Variants in VAT1L observed in about 807,000 individuals in gnomAD.
The protein encoded by VAT1L is vesicle amine transport 1 like, also known as putative NADPH-dependent quinone oxidoreductase VAT1L.
In VAT1L, 34 loss-of-function variants were observed where a neutral mutation model predicts 44.1. The ratio of observed to expected loss-of-function variants is 0.77; its 90% CI spans 0.59 to 1.03. The LOEUF (loss-of-function observed/expected upper bound fraction) is 1.03, where lower values mean the gene tolerates loss of function less well. Among genes scored for constraint, VAT1L ranks in the 50% least tolerant of loss-of-function variants. The pLI, the probability that VAT1L is intolerant of heterozygous loss-of-function variation, is 0.00. For missense variants in VAT1L, 615 were observed against 538.8 expected (o/e 1.14, Z -1.40); for synonymous variants, 253 against 202.2 (o/e 1.25, Z -2.13).
chr16:77,971,508 C>CA (rs1389921686), intron 7 of VAT1L, among the ~76,000 whole-genome samples: 2 of 152,090 alleles, frequency 1.3e-5, no homozygotes, highest in African/African-American at 4.8e-5. Flanking sequence ...CTCTATTGGT[C>CA]AAAATCTAAT....
intron 1 of VAT1L, among the ~76,000 whole-genome samples, chr16:77,799,396 G>A (rs954909227): frequency 1.3e-5 from 2 of 151,200 alleles, no homozygotes; most frequent in African/African-American, 4.9e-5. Context: ...TTCTCTCTCT[G>A]GCTTAAGAAA....
At chr16:77,946,179 T>G (rs2142517960) in intron 7 of VAT1L, among the ~76,000 whole-genome samples, 1 of 151,980 alleles carries the variant, frequency 6.6e-6, no homozygotes, top group South Asian at 2.1e-4. Flanking sequence ...TGTACACTCA[T>G]AAGCATTTTA....
At chr16:77,962,859 T>C (rs920514847) in intron 7 of VAT1L, among the ~76,000 whole-genome samples, 1 of 152,000 alleles carries the variant, frequency 6.6e-6, no homozygotes, top group African/African-American at 2.4e-5. Flanking sequence ...GACAGGAGGA[T>C]TGCTTAAGCC....
chr16:77,867,592 T>A (rs533845210), intron 4 of VAT1L, among the ~76,000 whole-genome samples: 1 of 152,228 alleles, frequency 6.6e-6, no homozygotes, highest in Non-Finnish European at 1.5e-5. Flanking sequence ...CTTTGGTGGC[T>A]CATGCCTGTA....
intron 7 of VAT1L, among the ~76,000 whole-genome samples, chr16:77,936,482 A>T (rs1334029287): frequency 6.6e-6 from 1 of 152,110 alleles, no homozygotes; most frequent in African/African-American, 2.4e-5. Flanking sequence ...GTGCTGGGGG[A>T]CTTCTCCTTA....
At chr16:77,960,101 A>G (rs1347165603) in intron 7 of VAT1L, among the ~76,000 whole-genome samples, 1 of 151,768 alleles carries the variant, frequency 6.6e-6, no homozygotes, top group Non-Finnish European at 1.5e-5. Context: ...CCCATCCACA[A>G]CCTCATAACA....
At chr16:77,891,249 G>A (rs423654) in intron 7 of VAT1L, among the ~76,000 whole-genome samples, 28,604 of 151,962 alleles carry the variant, frequency 0.19, 2,927 homozygotes, top group East Asian at 0.35. Context: ...AGCTACTCGG[G>A]AGGCTGAGGC....
intron 7 of VAT1L, among the ~76,000 whole-genome samples, chr16:77,921,584 C>T (rs1002850127): frequency 3.3e-5 from 5 of 152,144 alleles, no homozygotes; most frequent in Admixed American, 1.3e-4. Flanking sequence ...CAGGACCTTT[C>T]GTATCTATTT....
At chr16:77,802,507 C>G (rs1263571779) in intron 1 of VAT1L, among the ~76,000 whole-genome samples, 1 of 151,882 alleles carries the variant, frequency 6.6e-6, no homozygotes, top group African/African-American at 2.4e-5. Flanking sequence ...CCCAGCTACT[C>G]GGGAGGCTGA....
intron 7 of VAT1L, among the ~76,000 whole-genome samples, chr16:77,897,259 G>A (rs2017334016): frequency 1.3e-5 from 2 of 152,144 alleles, no homozygotes; most frequent in African/African-American, 2.4e-5. Context: ...CCACACTTCG[G>A]TCTGAGCATC....
chr16:77,948,378 C>A (rs1199221040), intron 7 of VAT1L, among the ~76,000 whole-genome samples: 1 of 152,166 alleles, frequency 6.6e-6, no homozygotes, highest in African/African-American at 2.4e-5. Context: ...ACACCTAACT[C>A]CTAGGAAATC....
intron 3 of VAT1L, among the ~76,000 whole-genome samples, chr16:77,839,299 G>A (rs1157010436): frequency 6.6e-6 from 1 of 151,906 alleles, no homozygotes; most frequent in Admixed American, 6.6e-5. Flanking sequence ...ACTTTGGGAG[G>A]CCGAGACGGG....
chr16:77,864,634 A>C (rs995242670), intron 4 of VAT1L, among the ~76,000 whole-genome samples: 4 of 152,148 alleles, frequency 2.6e-5, no homozygotes, highest in African/African-American at 9.6e-5. Flanking sequence ...TCTTCAAATC[A>C]CAGATTAAGA....
chr16:77,901,153 CTTTTTTTTTTTTTTT>C (rs538577571), intron 7 of VAT1L, among the ~76,000 whole-genome samples: 3 of 89,994 alleles, frequency 3.3e-5, no homozygotes, highest in Non-Finnish European at 6.1e-5. Context: ...AGTAGTTTAC[CTTTTTTTTTTTTTTT>C]TTTTTTTTTT....
intron 7 of VAT1L, among the ~76,000 whole-genome samples, chr16:77,966,228 T>C (rs766625555): frequency 2.6e-5 from 4 of 152,226 alleles, no homozygotes; most frequent in Non-Finnish European, 4.4e-5. Context: ...GATGGCACTG[T>C]TCTATTGATT....
rs781264298 is a variant in VAT1L at position 77,879,249 on chromosome 16, T to A, written c.882+25T>A. 14 of 1,610,504 alleles carry A rather than the reference T, an allele frequency of 8.7e-6. No homozygotes were observed. The highest frequency in any genetic ancestry group is 1.2e-5 in the Non-Finnish European group (14 of 1,176,866). ...AGTAAGTATCCAGGCACATCTGATG[T>A]ACTGTGGTGGCATGTTGATTCACAT... On this transcript the variant is annotated intron_variant, in intron 6 of 8. Coordinates refer to ENST00000302536, the MANE Select transcript of VAT1L (RefSeq NM_020927.3). The surrounding 1 kb of genome is among the most constrained non-coding windows in gnomAD (Gnocchi z 4.1).
intron 3 of VAT1L, among the ~76,000 whole-genome samples, chr16:77,845,333 G>A (rs1269973544): frequency 6.6e-6 from 1 of 152,150 alleles, no homozygotes; most frequent in Non-Finnish European, 1.5e-5. Context: ...TAAGAGTGTG[G>A]CAGTATGTTC....
At chr16:77,898,393 T>C (rs2017346998) in intron 7 of VAT1L, among the ~76,000 whole-genome samples, 1 of 152,176 alleles carries the variant, frequency 6.6e-6, no homozygotes, top group Admixed American at 6.5e-5. Flanking sequence ...GGGAGATGCC[T>C]TGCAAATTAT....
At chr16:77,949,964 G>A (rs912601290) in intron 7 of VAT1L, among the ~76,000 whole-genome samples, 1 of 152,202 alleles carries the variant, frequency 6.6e-6, no homozygotes, top group Admixed American at 6.5e-5. Flanking sequence ...AAAGATTCCA[G>A]ATGACTGTAC....
Sources: allele counts gnomAD v4.1 joint callset (sites outside exome capture counted in the v4.1 genomes callset), GRCh38; gene constraint gnomAD v4.1.1; non-coding constraint Gnocchi (gnomAD v3.1); transcripts MANE v1.5; gene names NCBI Gene and HGNC (gene_info 2026-07-23, HGNC 2026-07-21).